The following ZSWIM6 variants were observed in gnomAD, a reference collection of about 807,000 sequenced individuals.
The protein encoded by ZSWIM6 is zinc finger SWIM domain-containing protein 6.
In ZSWIM6, 9 loss-of-function variants were observed where a neutral mutation model predicts 113.2. The observed-to-expected ratio is 0.08, with a 90% CI of 0.05 to 0.14. The LOEUF (loss-of-function observed/expected upper bound fraction) is 0.14, where lower values mean the gene tolerates loss of function less well. Ranked by LOEUF, ZSWIM6 falls within the 10% of genes least tolerant of loss-of-function variation. The pLI is 1.00. For synonymous variants in ZSWIM6, 611 were observed against 606.5 expected (o/e 1.01, Z -0.11); for missense variants, 1,162 against 1,552.2 (o/e 0.75, Z 4.22).
chr5:61,379,490 T>G (rs923738444), intron 1 of ZSWIM6, among the ~76,000 whole-genome samples: 20 of 152,162 alleles, frequency 1.3e-4, no homozygotes, highest in African/African-American at 4.8e-4. Flanking sequence ...CCTTTTATAG[T>G]TTCATTTTTC....
At chr5:61,500,839 G>A (rs1218797145) in intron 4 of ZSWIM6, among the ~76,000 whole-genome samples, 5 of 152,070 alleles carry the variant, frequency 3.3e-5, no homozygotes, top group African/African-American at 7.2e-5. Flanking sequence ...GTAAGGAGCC[G>A]GTGAAGACCC....
chr5:61,532,126 TC>T (rs1749451461), intron 9 of ZSWIM6, among the ~76,000 whole-genome samples: 1 of 152,188 alleles, frequency 6.6e-6, no homozygotes, highest in Non-Finnish European at 1.5e-5. Context: ...CTGGCCTTCC[TC>T]CAAATTATTG....
At chr5:61,389,426 G>T (rs1002504022) in intron 1 of ZSWIM6, among the ~76,000 whole-genome samples, 1 of 151,502 alleles carries the variant, frequency 6.6e-6, no homozygotes, top group Non-Finnish European at 1.5e-5. Flanking sequence ...ATGGTGGTGG[G>T]TGCCTGTAAT....
At chr5:61,374,615 C>T (rs1036260525) in intron 1 of ZSWIM6, among the ~76,000 whole-genome samples, 11 of 151,914 alleles carry the variant, frequency 7.2e-5, no homozygotes, top group Non-Finnish European at 1.3e-4. Context: ...GTGCAGTGGC[C>T]CGATCTCGGC....
intron 1 of ZSWIM6, among the ~76,000 whole-genome samples, chr5:61,442,989 A>G (rs939451544): frequency 6.6e-6 from 1 of 152,236 alleles, no homozygotes; most frequent in African/African-American, 2.4e-5. Flanking sequence ...AGTGCATGCA[A>G]TCAGCTCCTA....
intron 4 of ZSWIM6, among the ~76,000 whole-genome samples, chr5:61,495,365 C>T (rs1174558212): frequency 6.6e-6 from 1 of 152,118 alleles, no homozygotes; most frequent in Non-Finnish European, 1.5e-5. Context: ...ACTTCCACAA[C>T]ATGACACTGT....
intron 1 of ZSWIM6, among the ~76,000 whole-genome samples, chr5:61,384,087 A>G (rs1420182595): frequency 2.0e-5 from 3 of 148,402 alleles, no homozygotes. Flanking sequence ...TAAAAATACA[A>G]AAAATTAGCC....
chr5:61,382,257 C>T (rs2112081879), intron 1 of ZSWIM6, among the ~76,000 whole-genome samples: 1 of 152,288 alleles, frequency 6.6e-6, no homozygotes, highest in South Asian at 2.1e-4. Flanking sequence ...AAGAGACAAT[C>T]CTTTCTACCT....
chr5:61,338,016 G>A (rs1055124836), intron 1 of ZSWIM6, among the ~76,000 whole-genome samples: 3 of 152,050 alleles, frequency 2.0e-5, no homozygotes, highest in Non-Finnish European at 4.4e-5. Flanking sequence ...TCTGAAGGAA[G>A]GAGATACATT....
intron 1 of ZSWIM6, among the ~76,000 whole-genome samples, chr5:61,434,736 G>T (rs1746669434): frequency 6.6e-6 from 1 of 152,026 alleles, no homozygotes; most frequent in African/African-American, 2.4e-5. Flanking sequence ...ATTGCAAATG[G>T]TACTGCTATA....
chr5:61,337,300 CAA>C (rs1051639777), intron 1 of ZSWIM6, among the ~76,000 whole-genome samples: 4 of 151,206 alleles, frequency 2.6e-5, no homozygotes, highest in African/African-American at 9.7e-5. Context: ...AAAACAAAAA[CAA>C]AAAAAACGAG....
rs1449262776 is a variant in ZSWIM6, at chr5:61,543,516, C to A, written c.2847C>A (p.Ala949=). The stretch of plus-strand genomic sequence containing the variant: ...TTACACTCTTTACTCCCACCGAGGC[C>A]ACAAGTATAGTTGCAACTACCGTGA... ...TWFTLFTPTE[A]TSIVATTVMS... The change falls in exon 14 of 14, where the codon GCC becomes GCA. Residue 949 remains alanine, a synonymous_variant. Transcript: ENST00000252744. The surrounding 1 kb of genome is among the most constrained non-coding windows in gnomAD (Gnocchi z 4.3). 4 of 1,551,470 alleles carry A rather than the reference C, an allele frequency of 2.6e-6. No homozygotes were observed. Among genetic ancestry groups the A allele is most frequent in the Non-Finnish European group, 3.5e-6 (4 of 1,147,008 alleles).
chr5:61,530,148 A>G lies in ZSWIM6; in HGVS notation c.1934A>G (p.Glu645Gly), dbSNP rs954825742. ...GGCACTCTCTTCAGTAGCCTTATGGAAGCCTGCCGCATTGATGATGAGAAC... is the reference window on the plus strand; with the variant it reads ...GGCACTCTCTTCAGTAGCCTTATGGGAGCCTGCCGCATTGATGATGAGAAC... ...PVGTLFSSLM[E>G]ACRIDDENLS... The change falls in exon 8 of 14, where the codon GAA (glutamate) becomes GGA (glycine). Residue 645 changes from glutamate (E) to glycine (G), a missense_variant. Around this residue, in one of 4 missense-constraint regions of ZSWIM6, gnomAD observed 620 missense variants for 804.6 expected, o/e 0.77. Transcript: ENST00000252744. The G allele has an allele frequency of 6.4e-7, 1 of 1,551,838 alleles. No homozygotes were observed.
intron 1 of ZSWIM6, among the ~76,000 whole-genome samples, chr5:61,461,265 A>G (rs945045450): frequency 1.1e-4 from 17 of 152,226 alleles, no homozygotes; most frequent in African/African-American, 3.6e-4. Context: ...ATAAGTGAGT[A>G]TAGCAACTAC....
chr5:61,429,268 T>G (rs1268481770), intron 1 of ZSWIM6, among the ~76,000 whole-genome samples: 1 of 152,224 alleles, frequency 6.6e-6, no homozygotes, highest in Non-Finnish European at 1.5e-5. Context: ...AGTGGAACGT[T>G]TATCTTGCTT....
intron 1 of ZSWIM6, among the ~76,000 whole-genome samples, chr5:61,415,297 GAT>G (rs891890551): frequency 2.0e-5 from 3 of 152,118 alleles, no homozygotes; most frequent in African/African-American, 7.2e-5. Context: ...GAATATTTAG[GAT>G]AAAAACCCTT....
chr5:61,401,496 C>G (rs1240406065), intron 1 of ZSWIM6, among the ~76,000 whole-genome samples: 1 of 151,352 alleles, frequency 6.6e-6, no homozygotes, highest in African/African-American at 2.4e-5. Flanking sequence ...ATATAGATAC[C>G]CTTTATTATG....
intron 1 of ZSWIM6, among the ~76,000 whole-genome samples, chr5:61,394,362 T>G (rs1297218085): frequency 6.6e-6 from 1 of 152,098 alleles, no homozygotes; most frequent in Non-Finnish European, 1.5e-5. Flanking sequence ...GGGCTGGGAG[T>G]GAAGACTCAG....
intron 1 of ZSWIM6, among the ~76,000 whole-genome samples, chr5:61,394,819 T>C (rs1745806740): frequency 6.6e-6 from 1 of 152,144 alleles, no homozygotes; most frequent in African/African-American, 2.4e-5. Context: ...TTACCCCCTT[T>C]TTCCAATTCA....
Sources: gnomAD v4.1 joint callset for allele counts (sites outside exome capture counted in the v4.1 genomes callset) on GRCh38, gnomAD v4.1.1 for gene constraint, gnomAD v4.1.1 regional missense constraint, Gnocchi (gnomAD v3.1) non-coding constraint, MANE v1.5 for transcripts, NCBI Gene and HGNC (gene_info 2026-07-23, HGNC 2026-07-21) for gene names.